Variants in UGT1A1 observed in about 807,000 individuals in gnomAD.
UGT1A1 encodes the protein UDP glucuronosyltransferase family 1 member A1.
A neutral mutation model predicts 40.6 loss-of-function variants in UGT1A1; 33 were observed. That is an observed-to-expected ratio of 0.81 (90% CI 0.62 to 1.09). UGT1A1 has a LOEUF of 1.09. Among genes scored for constraint, UGT1A1 ranks in the 50% least tolerant of loss-of-function variants. The pLI is 0.00. For synonymous variants in UGT1A1, 249 were observed against 265.0 expected, an observed-to-expected ratio of 0.94 and a Z score of 0.59; for missense variants, 694 against 671.2, an observed-to-expected ratio of 1.03 and a Z score of -0.38.
At position 233,760,649 on chromosome 2, in the gene UGT1A1, C is replaced by T; in HGVS notation, c.362C>T (p.Ala121Val). The T allele has an allele frequency of 6.2e-7, 1 of 1,614,206 alleles. No individual in the cohort carries two copies. The highest frequency in any genetic ancestry group is 2.2e-5 in the East Asian group (1 of 44,882). Residue 121 changes from alanine to valine, a missense_variant, in exon 1 of 5, where the codon GCT becomes GTT. Ala to Val is a moderately conservative substitution (Grantham distance 64). Coordinates refer to ENST00000305208, the MANE Select transcript of UGT1A1 (RefSeq NM_000463.3). ...KTYKKIKKDS[A>V]MLLSGCSHLL... ...TACAAGAAAATAAAAAAGGACTCTG[C>T]TATGCTTTTGTCTGGCTGTTCCCAC...
chr2:233,765,693 A>AAAT (rs1266056248), intron 1 of UGT1A1, among the ~76,000 whole-genome samples: 1 of 147,310 alleles, frequency 6.8e-6, no homozygotes, highest in African/African-American at 2.6e-5. Context: ...AACTTCAAGT[A>AAAT]AATAATAATA....
chr2:233,766,395 C>T (rs1305688036), intron 1 of UGT1A1, among the ~76,000 whole-genome samples: 1 of 152,176 alleles, frequency 6.6e-6, no homozygotes, highest in African/African-American at 2.4e-5. Flanking sequence ...GCTGTCCTTG[C>T]GTCCCTCCGC....
chr2:233,761,181 G>T (rs539737168), intron 1 of UGT1A1, 30 bp downstream of exon 1: 1 of 1,614,126 alleles, frequency 6.2e-7, no homozygotes, highest in Non-Finnish European at 8.5e-7. Flanking sequence ...TTTTACATGC[G>T]TATATTCTTT....
At chr2:233,761,231 T>A in intron 1 of UGT1A1, 80 bp downstream of exon 1, 1 of 1,613,202 alleles carries the variant, frequency 6.2e-7, no homozygotes. Flanking sequence ...GCCCCAGATA[T>A]ATGCTGAGCA....
intron 1 of UGT1A1, among the ~76,000 whole-genome samples, chr2:233,762,377 A>T (rs182919265): frequency 5.6e-4 from 86 of 152,370 alleles, no homozygotes; most frequent in African/African-American, 2.0e-3. Context: ...ACCAATATGT[A>T]TATAGAAACA....
Position 233,772,498 on chromosome 2 carries a change from A to G in UGT1A1, c.1541A>G (p.Tyr514Cys), listed in dbSNP as rs1575871592. The G allele has an allele frequency of 1.2e-6, 2 of 1,614,068 alleles. No homozygotes were observed. The highest frequency in any genetic ancestry group is 2.2e-5 in the East Asian group (1 of 44,892). ...ACCTTTAAATGTTGTGCTTATGGCT[A>G]CCGGAAATGCTTGGGGAAAAAAGGG... is the stretch of plus-strand genomic sequence containing the variant. Reference protein sequence around the residue: ...FITFKCCAYGYRKCLGKKGRV... With the variant: ...FITFKCCAYGCRKCLGKKGRV... Residue 514 changes from tyrosine (Y) to cysteine (C), a missense_variant, in exon 5 of 5, where the codon TAC (tyrosine) becomes TGC (cysteine). By Grantham distance (194) the Tyr-to-Cys change is radical (BLOSUM62 -2). Transcript: ENST00000305208.
chr2:233,772,427 C>T lies in UGT1A1; in HGVS notation c.1470C>T (p.Asp490=), dbSNP rs114123636. ...CCTGGTACCAGTACCATTCCTTGGA[C>T]GTGATTGGTTTCCTCTTGGCCGTCG... ...DLTWYQYHSL[D]VIGFLLAVVL... is the part of the protein sequence containing the mutation. The change falls in exon 5 of 5, where the codon GAC becomes GAT. Residue 490 remains aspartate, a synonymous_variant. Coordinates refer to ENST00000305208, the MANE Select transcript of UGT1A1 (RefSeq NM_000463.3). The T allele has an allele frequency of 1.1e-4, 177 of 1,614,220 alleles. No homozygotes were observed. The highest frequency in any genetic ancestry group is 8.7e-4 in the East Asian group (39 of 44,876).
chr2:233,762,018 T>C (rs141035986), intron 1 of UGT1A1, among the ~76,000 whole-genome samples: 3 of 152,328 alleles, frequency 2.0e-5, no homozygotes, highest in African/African-American at 7.2e-5. Flanking sequence ...ATGTGATTTG[T>C]ATTTTATTTT....
Position 233,772,617 on chromosome 2 carries a change from GA to G in UGT1A1, c.*62del. 1 of 1,572,898 alleles carries G rather than the reference GA, an allele frequency of 6.4e-7. No homozygotes were observed. Among genetic ancestry groups the G allele is most frequent in the Non-Finnish European group, 8.6e-7 (1 of 1,158,346 alleles). On this transcript the variant is annotated 3_prime_UTR_variant, in exon 5 of 5. Coordinates refer to ENST00000305208, the MANE Select transcript of UGT1A1 (RefSeq NM_000463.3). The stretch of plus-strand genomic sequence containing the variant: ...CCATTCCCTAGTCATTTCCAAACTT[GA>G]AAACAGAATCAGTGTTAAATTCATT...
intron 1 of UGT1A1, among the ~76,000 whole-genome samples, chr2:233,762,398 T>G (rs969226920): frequency 6.6e-6 from 1 of 152,192 alleles, no homozygotes; most frequent in Non-Finnish European, 1.5e-5. Flanking sequence ...TATGTAAAAT[T>G]TTTTGGTTGC....
At position 233,772,912 on chromosome 2, in the gene UGT1A1, CAAA is replaced by C. The variant is rs1449737327; in HGVS notation, c.*354_*356del. 1 of 388,968 alleles carries C rather than the reference CAAA, an allele frequency of 2.6e-6. No homozygotes were observed. Among genetic ancestry groups the C allele is most frequent in the Non-Finnish European group, 4.5e-6 (1 of 221,772 alleles). The allele number at this position is 388,968 out of a possible 1,614,324, so 24.1% of individuals were successfully genotyped here. On this transcript the variant is annotated 3_prime_UTR_variant, in exon 5 of 5. Transcript: ENST00000305208. ...GGTGGTCCCACGGCTGCCCCTACTG[CAAA>C]TGGCAGTTTTAATCTTATCTTTTGG...
chr2:233,765,544 G>A (rs148810143), intron 1 of UGT1A1, among the ~76,000 whole-genome samples: 5,118 of 152,186 alleles, frequency 0.034, 277 homozygotes, highest in African/African-American at 0.12. Context: ...CTCATAAGTG[G>A]GAGTTGAACA....
chr2:233,763,026 C>T (rs1324231755), intron 1 of UGT1A1, among the ~76,000 whole-genome samples: 1 of 152,138 alleles, frequency 6.6e-6, no homozygotes, highest in African/African-American at 2.4e-5. Flanking sequence ...TTATGTTAGC[C>T]ATTGTTTTCT....
intron 4 of UGT1A1, 78 bp from the exon 5 acceptor site, chr2:233,772,184 T>C (rs1700476163): frequency 6.3e-7 from 1 of 1,591,636 alleles, no homozygotes; most frequent in East Asian, 2.3e-5. Context: ...GTAGTCTTCT[T>C]AAGCAGCCAT....
Position 233,772,413 on chromosome 2 carries a change from T to G in UGT1A1, c.1456T>G (p.Tyr486Asp), listed in dbSNP as rs34993780. 159 of 1,614,182 alleles carry G rather than the reference T, an allele frequency of 9.9e-5. No homozygotes were observed. In the East Asian group the frequency reaches 2.1e-3, roughly 21 times the overall value. Reference sequence around the variant, plus strand: ...AGCCCACGACCTCACCTGGTACCAGTACCATTCCTTGGACGTGATTGGTTT... The same window carrying G: ...AGCCCACGACCTCACCTGGTACCAGGACCATTCCTTGGACGTGATTGGTTT... ...PAAHDLTWYQ[Y>D]HSLDVIGFLL... The change falls in exon 5 of 5, where the codon TAC becomes GAC. Residue 486 changes from tyrosine to aspartate, a missense_variant. By Grantham distance (160) the Tyr-to-Asp change is radical (BLOSUM62 -3). Transcript: ENST00000305208.
chr2:233,772,289 C>T lies in UGT1A1; in HGVS notation c.1332C>T (p.Ser444=). Residue 444 remains serine (S), a synonymous_variant, in exon 5 of 5, where the codon TCC becomes TCT. Coordinates refer to ENST00000305208, the MANE Select transcript of UGT1A1 (RefSeq NM_000463.3). ...ACAAGGAGAACATCATGCGCCTCTC[C>T]AGCCTTCACAAGGACCGCCCGGTGG... is the stretch of plus-strand genomic sequence containing the variant. The part of the protein sequence containing the change: ...KSYKENIMRL[S]SLHKDRPVEP... The T allele has an allele frequency of 6.2e-7, 1 of 1,614,242 alleles. No homozygotes were observed. The highest frequency in any genetic ancestry group is 8.5e-7 in the Non-Finnish European group (1 of 1,180,054).
chr2:233,768,108 G>C, intron 3 of UGT1A1, 112 bp from the exon 4 acceptor site: 1 of 1,594,934 alleles, frequency 6.3e-7, no homozygotes, highest in South Asian at 1.1e-5. Flanking sequence ...GCAAATTTCT[G>C]CAAGGGCATG....
intron 4 of UGT1A1, 140 bp downstream of exon 4, chr2:233,768,579 CTTCTTTT>C: frequency 1.1e-6 from 1 of 934,852 alleles, no homozygotes; most frequent in Non-Finnish European, 1.4e-6. Context: ...ATTTTTATTT[CTTCTTTT>C]TTTTTTTTTT....
intron 1 of UGT1A1, among the ~76,000 whole-genome samples, chr2:233,763,075 G>T (rs563223055): frequency 6.6e-6 from 1 of 152,130 alleles, no homozygotes; most frequent in Non-Finnish European, 1.5e-5. Flanking sequence ...CCTTCTTTGC[G>T]TGAGGATGTT....
Sources: gnomAD v4.1 joint callset for allele counts (sites outside exome capture counted in the v4.1 genomes callset) on GRCh38, gnomAD v4.1.1 for gene constraint, MANE v1.5 for transcripts, NCBI Gene and HGNC (gene_info 2026-07-23, HGNC 2026-07-21) for gene names.